TMEM132B: variants seen among roughly 807,000 people sequenced by gnomAD.
TMEM132B encodes transmembrane protein 132B.
Under a neutral mutation model 90.8 loss-of-function variants are expected in TMEM132B, and 18 were observed. The observed-to-expected ratio is 0.20, with a 90% confidence interval of 0.14 to 0.29. The LOEUF (loss-of-function observed/expected upper bound fraction) is 0.29, where lower values mean the gene tolerates loss of function less well. Among genes scored for constraint, TMEM132B ranks in the 10% least tolerant of loss-of-function variants. The pLI is 1.00. For missense variants in TMEM132B, 1,096 were observed against 1,326.8 expected (o/e 0.83, Z 2.70); for synonymous variants, 504 against 523.3 (o/e 0.96, Z 0.50).
chr12:125,394,298 G>C (rs184645340), intron 2 of TMEM132B, among the ~76,000 whole-genome samples: 50 of 152,360 alleles, frequency 3.3e-4, no homozygotes, highest in African/African-American at 1.2e-3. Flanking sequence ...CAGAGTCCAT[G>C]CTTGACAGAT....
chr12:125,258,199 A>C (rs1874483096), intron 1 of TMEM132B, among the ~76,000 whole-genome samples: 1 of 152,234 alleles, frequency 6.6e-6, no homozygotes, highest in African/African-American at 2.4e-5. Flanking sequence ...TTCATGAAGC[A>C]GTAAGTGCCG....
intron 1 of TMEM132B, among the ~76,000 whole-genome samples, chr12:125,226,166 T>C (rs1873677047): frequency 6.6e-6 from 1 of 152,204 alleles, no homozygotes; most frequent in Non-Finnish European, 1.5e-5. Context: ...CCCATCCATG[T>C]AGTAGCTTGC....
chr12:125,363,890 G>A (rs1196832743), intron 2 of TMEM132B, among the ~76,000 whole-genome samples: 2 of 152,210 alleles, frequency 1.3e-5, no homozygotes, highest in Non-Finnish European at 2.9e-5. Context: ...TTAGAGGAAA[G>A]TGGATAAATG....
chr12:125,551,982 C>A (rs1226680916), intron 4 of TMEM132B, among the ~76,000 whole-genome samples: 1 of 152,150 alleles, frequency 6.6e-6, no homozygotes, highest in Non-Finnish European at 1.5e-5. Context: ...CAAATGTTTT[C>A]TTTTCGTGTC....
chr12:125,641,424 T>G (rs1886627254), intron 5 of TMEM132B, among the ~76,000 whole-genome samples: 1 of 152,186 alleles, frequency 6.6e-6, no homozygotes, highest in Non-Finnish European at 1.5e-5. Context: ...AATATATCCT[T>G]TGTACGTTGT....
intron 3 of TMEM132B, among the ~76,000 whole-genome samples, chr12:125,462,311 T>A (rs1257034129): frequency 6.6e-6 from 1 of 152,212 alleles, no homozygotes; most frequent in Non-Finnish European, 1.5e-5. Context: ...TATCTCTTTA[T>A]TCAAATGAAT....
intron 1 of TMEM132B, among the ~76,000 whole-genome samples, chr12:125,322,932 C>T (rs982177281): frequency 6.6e-6 from 1 of 151,808 alleles, no homozygotes; most frequent in African/African-American, 2.4e-5. Flanking sequence ...GTTTGCTTTG[C>T]CTTCATAGAC....
chr12:125,264,822 CCAAACG>C (rs1874648054), intron 1 of TMEM132B, among the ~76,000 whole-genome samples: 2 of 152,190 alleles, frequency 1.3e-5, no homozygotes, highest in East Asian at 3.8e-4. Flanking sequence ...ATGCAAACAC[CCAAACG>C]CATGTGCATA....
At position 125,644,596 on chromosome 12, in the gene TMEM132B, T is replaced by C. The variant is rs74735752; in HGVS notation, c.1643+315T>C. 1.1e-4 allele frequency among the ~76,000 whole-genome samples: 17 copies of C among 152,294 alleles called. No individual in the cohort carries two copies. In the East Asian group the frequency reaches 3.1e-3, roughly 28 times the overall value. ...GCATTTAGGACATAGCTATTTTCTA[T>C]TCCTTACTCACTTCTTTATTGTTCA... On this transcript the variant is annotated intron_variant, in intron 6 of 8. Coordinates refer to ENST00000682704, the MANE Select transcript of TMEM132B (RefSeq NM_001366854.1).
At chr12:125,516,587 G>A (rs563180728) in intron 3 of TMEM132B, among the ~76,000 whole-genome samples, 1 of 152,354 alleles carries the variant, frequency 6.6e-6, no homozygotes, top group East Asian at 1.9e-4. Flanking sequence ...AGCAGGACGT[G>A]CCCACAGTCA....
intron 5 of TMEM132B, among the ~76,000 whole-genome samples, chr12:125,618,106 C>T (rs1180568395): frequency 1.3e-5 from 2 of 152,242 alleles, no homozygotes; most frequent in East Asian, 1.9e-4. Context: ...AAATCTGAGA[C>T]ACCAGGTGCA....
At chr12:125,515,056 G>A (rs568291288) in intron 3 of TMEM132B, among the ~76,000 whole-genome samples, 18 of 152,292 alleles carry the variant, frequency 1.2e-4, no homozygotes, top group African/African-American at 3.4e-4. Flanking sequence ...TGGAAGGAAG[G>A]TGTGTGCTCT....
chr12:125,366,616 C>T (rs768390020), intron 2 of TMEM132B, among the ~76,000 whole-genome samples: 2 of 152,130 alleles, frequency 1.3e-5, no homozygotes, highest in African/African-American at 4.8e-5. Context: ...TGCCTTTCAA[C>T]GGTTTAGCTA....
chr12:125,282,027 CAAAAAAAAAAA>C (rs869083244), intron 1 of TMEM132B, among the ~76,000 whole-genome samples: 1 of 16,052 alleles, frequency 6.2e-5, no homozygotes, highest in Non-Finnish European at 1.1e-4. Context: ...GACTCCGTCT[CAAAAAAAAAAA>C]AAAAAAAAAA....
intron 1 of TMEM132B, among the ~76,000 whole-genome samples, chr12:125,221,361 C>T (rs1173864104): frequency 6.6e-6 from 1 of 152,166 alleles, no homozygotes. Context: ...ACACTTGCCC[C>T]TCGTCTTCAA....
rs1442203833 is a variant in TMEM132B at position 125,209,883 on chromosome 12, A to G, written c.67+23017A>G. Among the ~76,000 whole-genome samples the G allele has an allele frequency of 6.6e-6, 1 of 152,210 alleles. No homozygotes were observed. The highest frequency in any genetic ancestry group is 1.5e-5 in the Non-Finnish European group (1 of 68,038). ...TGGAGATAAATACTGTTAGATGGCCAGAGTGTCTTCCTCGCCTTGTCCTGT... is the reference window on the plus strand; with the variant it reads ...TGGAGATAAATACTGTTAGATGGCCGGAGTGTCTTCCTCGCCTTGTCCTGT... On this transcript the variant is annotated intron_variant, in intron 1 of 8. Coordinates refer to ENST00000682704, the MANE Select transcript of TMEM132B (RefSeq NM_001366854.1). This position sits in a 1 kb window ranked among gnomAD's most constrained non-coding sequence, Gnocchi z 4.4.
Position 125,661,032 on chromosome 12 carries a change from C to G in TMEM132B, c.*6322C>G, listed in dbSNP as rs1887196005. The G allele has an allele frequency of 6.6e-6, 1 of 152,108 alleles. No individual in the cohort carries two copies. Among genetic ancestry groups the G allele is most frequent in the Non-Finnish European group, 1.5e-5 (1 of 68,024 alleles). 9.4% of individuals were successfully genotyped at this position (152,108 alleles called of 1,614,324 possible). A position where few individuals can be genotyped will look rare whatever the true frequency, so the allele number is the denominator to read the frequency against. On this transcript the variant is annotated 3_prime_UTR_variant, in exon 9 of 9. Transcript: ENST00000682704. ...TGGGATGGCTGAAATAACTTTTGAC[C>G]TGACACATCTTTCTGTACTTCCTGT...
At chr12:125,503,190 C>A (rs577270082) in intron 3 of TMEM132B, among the ~76,000 whole-genome samples, 1 of 152,156 alleles carries the variant, frequency 6.6e-6, no homozygotes, top group Non-Finnish European at 1.5e-5. Flanking sequence ...ATTTACTCTT[C>A]GCTTAGTTGT....
chr12:125,331,817 A>G (rs1876783720), intron 1 of TMEM132B, among the ~76,000 whole-genome samples: 1 of 152,086 alleles, frequency 6.6e-6, no homozygotes, highest in South Asian at 2.1e-4. Context: ...GTAGTGGTGT[A>G]ATCTCAGCTC....
Sources: gnomAD v4.1 joint callset for allele counts (sites outside exome capture counted in the v4.1 genomes callset) on GRCh38, gnomAD v4.1.1 for gene constraint, Gnocchi (gnomAD v3.1) non-coding constraint, MANE v1.5 for transcripts, NCBI Gene and HGNC (gene_info 2026-07-23, HGNC 2026-07-21) for gene names.